Variants in GALNT18 observed in about 807,000 individuals in gnomAD.
The protein encoded by GALNT18 is GalNAc-transferase 18.
A neutral mutation model predicts 69.5 loss-of-function variants in GALNT18; 44 were observed. The observed-to-expected ratio is 0.63, with a 90% confidence interval of 0.50 to 0.81. The LOEUF is 0.81. GALNT18 is among the 40% of genes least tolerant of loss of function. The pLI is 0.00. For synonymous variants in GALNT18, 364 were observed against 318.2 expected (o/e 1.14, Z -1.53); for missense variants, 715 against 810.0 (o/e 0.88, Z 1.42).
chr11:11,621,803 A>G lies in GALNT18; in HGVS notation c.-210T>C. On this transcript the variant is annotated 5_prime_UTR_variant, in exon 1 of 11. Coordinates refer to ENST00000227756, the MANE Select transcript of GALNT18 (RefSeq NM_198516.3). The surrounding 1 kb of genome is among the most constrained non-coding windows in gnomAD (Gnocchi z 9.3). ...CCGCTGGCCACCCGGAGAGACCTTG[A>G]CAAAGGAAACCAGGTGGATTTTTTT... 1 of 585,314 alleles carries G rather than the reference A, an allele frequency of 1.7e-6. No homozygotes were observed. 36.3% of individuals were successfully genotyped at this position (585,314 alleles called of 1,614,324 possible). A position where few individuals can be genotyped will look rare whatever the true frequency, so the allele number is the denominator to read the frequency against.
At chr11:11,530,344 G>A (rs539101041) in intron 1 of GALNT18, among the ~76,000 whole-genome samples, 7 of 152,270 alleles carry the variant, frequency 4.6e-5, no homozygotes, top group Admixed American at 6.5e-5. Context: ...GGCTGCTGAC[G>A]GGGCCCTGTC....
In GALNT18 at chr11:11,415,336, G is replaced by A. The variant is rs1854831264; in HGVS notation, c.595+17285C>T. Among the ~76,000 whole-genome samples the A allele has an allele frequency of 6.6e-6, 1 of 152,114 alleles. No individual in the cohort carries two copies. Among genetic ancestry groups the A allele is most frequent in the African/African-American group, 2.4e-5 (1 of 41,424 alleles). On this transcript the variant is annotated intron_variant, in intron 3 of 10. Coordinates refer to ENST00000227756, the MANE Select transcript of GALNT18 (RefSeq NM_198516.3). This position sits in a 1 kb window ranked among gnomAD's most constrained non-coding sequence, Gnocchi z 4.1. Reference sequence around the variant, plus strand: ...CACCACTTCCCAGGAATCAGGGCTGGGAAGGGTGGGGGATGACTTAGAATT... The same window carrying A: ...CACCACTTCCCAGGAATCAGGGCTGAGAAGGGTGGGGGATGACTTAGAATT...
chr11:11,337,799 G>A lies in GALNT18; in HGVS notation c.1278+3020C>T, dbSNP rs764906326. 7.2e-5 allele frequency among the ~76,000 whole-genome samples: 11 copies of A among 152,010 alleles called. No homozygotes were observed. Among genetic ancestry groups the A allele is most frequent in the Admixed American group, 3.3e-4 (5 of 15,262 alleles). On this transcript the variant is annotated intron_variant, in intron 7 of 10. Coordinates refer to ENST00000227756, the MANE Select transcript of GALNT18 (RefSeq NM_198516.3). This position sits in a 1 kb window ranked among gnomAD's most constrained non-coding sequence, Gnocchi z 4.9. ...GTAATGGGCAGTTCCCATAGTCCAC[G>A]CAACGTATGCAGACTTCAAAACAGG...
At position 11,352,518 on chromosome 11, in the gene GALNT18, T is replaced by A. The variant is rs753822392; in HGVS notation, c.1093-11514A>T. On this transcript the variant is annotated intron_variant, in intron 6 of 10. Coordinates refer to ENST00000227756, the MANE Select transcript of GALNT18 (RefSeq NM_198516.3). ...GTACATCTGATAGTCTACAAGTAGC[T>A]CAGGACCTTTGAAGTATCGGGAAGC... is the stretch of plus-strand genomic sequence containing the variant. The A allele has an allele frequency of 4.3e-6, 7 of 1,614,100 alleles. No homozygotes were observed. The Admixed American group carries it at 8.3e-5, about 19-fold the overall frequency.
At chr11:11,529,625 T>TTA (rs10545842) in intron 1 of GALNT18, among the ~76,000 whole-genome samples, 19 of 149,010 alleles carry the variant, frequency 1.3e-4, no homozygotes, top group South Asian at 2.1e-4. Context: ...AATAATCTCC[T>TTA]TATATATATA....
intron 6 of GALNT18, chr11:11,353,187 C>G: frequency 1.3e-6 from 2 of 1,598,752 alleles, no homozygotes; most frequent in Non-Finnish European, 1.7e-6. Context: ...TGTTCAGAAG[C>G]AGCTTGGGGG....
intron 1 of GALNT18, among the ~76,000 whole-genome samples, chr11:11,466,759 G>T (rs1856164003): frequency 2.6e-5 from 4 of 152,194 alleles, no homozygotes; most frequent in Non-Finnish European, 5.9e-5. Flanking sequence ...TATCAGAGAG[G>T]TTGGAGGACT....
At position 11,340,292 on chromosome 11, in the gene GALNT18, C is replaced by G. The variant is rs1487640294; in HGVS notation, c.1278+527G>C. Among the ~76,000 whole-genome samples the G allele has an allele frequency of 2.6e-5, 1 of 39,120 alleles. No individual in the cohort carries two copies. The highest frequency in any genetic ancestry group is 4.2e-5 in the Non-Finnish European group (1 of 23,766). 25.7% of individuals were successfully genotyped at this position (39,120 alleles called of 152,430 possible). ...TGATGAGGCTCTGTGAAGGTTAACT[C>G]CATCTCCTAGTGAAGGTCCCTGTAG... On this transcript the variant is annotated intron_variant, in intron 7 of 10. Coordinates refer to ENST00000227756, the MANE Select transcript of GALNT18 (RefSeq NM_198516.3). The surrounding 1 kb of genome is among the most constrained non-coding windows in gnomAD (Gnocchi z 4.2).
chr11:11,317,460 G>A (rs746359589), intron 9 of GALNT18, among the ~76,000 whole-genome samples: 8 of 152,116 alleles, frequency 5.3e-5, no homozygotes, highest in Non-Finnish European at 1.2e-4. Flanking sequence ...ATCTCATGGT[G>A]GTTTTGATTT....
chr11:11,452,065 C>A (rs537645297), intron 1 of GALNT18, among the ~76,000 whole-genome samples: 2 of 152,296 alleles, frequency 1.3e-5, no homozygotes, highest in Admixed American at 6.5e-5. Flanking sequence ...AAAACACTAT[C>A]TGATTCTTTA....
Position 11,500,116 on chromosome 11 carries a change from T to C in GALNT18, c.236-51180A>G, listed in dbSNP as rs535813514. On this transcript the variant is annotated intron_variant, in intron 1 of 10. Transcript: ENST00000227756. The surrounding 1 kb of genome is among the most constrained non-coding windows in gnomAD (Gnocchi z 5.0). ...TCCCACATTTAATATTCTCATCCCA[T>C]TTCCTTCTACGAAAAGACTTAATTA... Among the ~76,000 whole-genome samples, 3 of 152,304 alleles carry C rather than the reference T, an allele frequency of 2.0e-5. No individual in the cohort carries two copies. Among genetic ancestry groups the C allele is most frequent in the African/African-American group, 7.2e-5 (3 of 41,570 alleles).
intron 9 of GALNT18, among the ~76,000 whole-genome samples, chr11:11,300,515 C>A (rs369574781): frequency 3.9e-5 from 6 of 152,262 alleles, no homozygotes; most frequent in African/African-American, 1.2e-4. Flanking sequence ...TGCAGCCCAA[C>A]AAGGAATTAA....
intron 6 of GALNT18, among the ~76,000 whole-genome samples, chr11:11,367,532 A>T (rs1170238646): frequency 6.6e-6 from 1 of 152,088 alleles, no homozygotes; most frequent in Admixed American, 6.5e-5. Context: ...AGTGATTCAC[A>T]GTTGGGGCAA....
chr11:11,618,152 T>G lies in GALNT18; in HGVS notation c.235+3207A>C, dbSNP rs1860101204. Among the ~76,000 whole-genome samples, 1 of 152,218 alleles carries G rather than the reference T, an allele frequency of 6.6e-6. No individual in the cohort carries two copies. Among genetic ancestry groups the G allele is most frequent in the Non-Finnish European group, 1.5e-5 (1 of 68,028 alleles). On this transcript the variant is annotated intron_variant, in intron 1 of 10. Coordinates refer to ENST00000227756, the MANE Select transcript of GALNT18 (RefSeq NM_198516.3). The surrounding 1 kb of genome is among the most constrained non-coding windows in gnomAD (Gnocchi z 6.1). The stretch of plus-strand genomic sequence containing the variant: ...CTCTGGGGTGATGCTCCAAAGCCTC[T>G]TCTAATTGCAAGTCCTATGGAACAT...
At chr11:11,447,304 C>T (rs892240246) in intron 2 of GALNT18, among the ~76,000 whole-genome samples, 11 of 152,182 alleles carry the variant, frequency 7.2e-5, no homozygotes, top group African/African-American at 2.7e-4. Context: ...TCTTCTCTGA[C>T]CACGCAGGAA....
At chr11:11,557,029 G>C (rs1858348302) in intron 1 of GALNT18, among the ~76,000 whole-genome samples, 1 of 152,168 alleles carries the variant, frequency 6.6e-6, no homozygotes, top group African/African-American at 2.4e-5. Context: ...CCCATGCCAG[G>C]CCTTGGGTCT....
intron 10 of GALNT18, among the ~76,000 whole-genome samples, chr11:11,275,705 T>C (rs1244326993): frequency 6.6e-6 from 1 of 152,230 alleles, no homozygotes; most frequent in Non-Finnish European, 1.5e-5. Context: ...GAGTTGATTT[T>C]TGTAGAAGAT....
Position 11,621,395 on chromosome 11 carries a change from C to T in GALNT18, c.199G>A (p.Asp67Asn), listed in dbSNP as rs780392963. ...TGCTTGATGACATTCTCCAGGTGGT[C>T]CAGCCGCTCAATAATCTTCAGAGTG... ...GDTLKIIERL[D>N]HLENVIKQHI... The change falls in exon 1 of 11, where the codon GAC (aspartate) becomes AAC (asparagine). Residue 67 changes from aspartate to asparagine, a missense_variant. Asp to Asn is a conservative substitution (Grantham distance 23, BLOSUM62 1). Transcript: ENST00000227756. This position sits in a 1 kb window ranked among gnomAD's most constrained non-coding sequence, Gnocchi z 9.3. The T allele has an allele frequency of 1.2e-6, 2 of 1,614,104 alleles. No individual in the cohort carries two copies. Among genetic ancestry groups the T allele is most frequent in the Non-Finnish European group, 1.7e-6 (2 of 1,180,014 alleles).
Position 11,528,007 on chromosome 11 carries a change from A to T in GALNT18, c.236-79071T>A, listed in dbSNP as rs4910371. Among the ~76,000 whole-genome samples the T allele has an allele frequency of 2.0e-5, 3 of 152,180 alleles. No homozygotes were observed. In the South Asian group the frequency reaches 6.2e-4, roughly 32 times the overall value. On this transcript the variant is annotated intron_variant, in intron 1 of 10. Coordinates refer to ENST00000227756, the MANE Select transcript of GALNT18 (RefSeq NM_198516.3). ...CTTAGCATGGGTTATCTTATTTAAT[A>T]CTCATAACAACTCCATCACATAGGT...
Sources: gnomAD v4.1 joint callset for allele counts (sites outside exome capture counted in the v4.1 genomes callset) on GRCh38, gnomAD v4.1.1 for gene constraint, Gnocchi (gnomAD v3.1) non-coding constraint, MANE v1.5 for transcripts, NCBI Gene and HGNC (gene_info 2026-07-23, HGNC 2026-07-21) for gene names.